ERBB2: variants seen among roughly 807,000 people sequenced by gnomAD.
The protein encoded by ERBB2 is erb-b2 receptor tyrosine kinase 2.
A neutral mutation model predicts 149.0 loss-of-function variants in ERBB2; 61 were observed. The ratio of observed to expected loss-of-function variants is 0.41; its 90% CI spans 0.33 to 0.51. ERBB2 has a LOEUF of 0.51. ERBB2 is among the 20% of genes least tolerant of loss of function. ERBB2 has a pLI of 0.25. For synonymous variants in ERBB2, 633 were observed against 678.8 expected (o/e 0.93, Z 1.05); for missense variants, 1,205 against 1,655.1 (o/e 0.73, Z 4.72).
chr17:39,699,421 A>G (rs1008933672), upstream of ERBB2: 1 of 766,152 alleles, frequency 1.3e-6, no homozygotes, highest in African/African-American at 1.8e-5. Context: ...AGATCGCGCC[A>G]TTGCTCTCCA....
chr17:39,718,722 G>C (rs1332462665), intron 15 of ERBB2, among the ~76,000 whole-genome samples: 1 of 152,036 alleles, frequency 6.6e-6, no homozygotes, highest in Non-Finnish European at 1.5e-5. Context: ...TGTGAGTACA[G>C]ACGGATCTAC....
chr17:39,709,328 A>G lies in ERBB2; in HGVS notation c.450A>G (p.Lys150=), dbSNP rs2145470240. 6.2e-7 allele frequency: 1 copy of G among 1,614,092 alleles called. No homozygotes were observed. Among genetic ancestry groups the G allele is most frequent in the African/African-American group, 1.3e-5 (1 of 75,008 alleles). The part of the protein sequence containing the change: ...LQLRSLTEIL[K]GGVLIQRNPQ... Reference sequence around the variant, plus strand: ...TTGCTCACCCCACAGAGATCTTGAAAGGAGGGGTCTTGATCCAGCGGAACC... The same window carrying G: ...TTGCTCACCCCACAGAGATCTTGAAGGGAGGGGTCTTGATCCAGCGGAACC... The change falls in exon 4 of 27, where the codon AAA becomes AAG. Residue 150 remains lysine, a synonymous_variant. Coordinates refer to ENST00000269571, the MANE Select transcript of ERBB2 (RefSeq NM_004448.4).
rs1035359881 is a variant in ERBB2, at chr17:39,724,674, T to C, written c.2308-52T>C. On this transcript the variant is annotated intron_variant, in intron 19 of 26. Coordinates refer to ENST00000269571, the MANE Select transcript of ERBB2 (RefSeq NM_004448.4). Reference sequence around the variant, plus strand: ...TTGTGATGGTTGGGAGGCTGTGTGGTGTTTGGGGGTGTGTGGTCTCCCATA... The same window carrying C: ...TTGTGATGGTTGGGAGGCTGTGTGGCGTTTGGGGGTGTGTGGTCTCCCATA... The C allele has an allele frequency of 2.0e-6, 3 of 1,511,284 alleles. No individual in the cohort carries two copies. In the East Asian group the frequency reaches 6.8e-5, roughly 34 times the overall value. The allele number at this position is 1,511,284 out of a possible 1,614,324, so 93.6% of individuals were successfully genotyped here. A position where few individuals can be genotyped will look rare whatever the true frequency, so the allele number is the denominator to read the frequency against.
upstream of ERBB2, among the ~76,000 whole-genome samples, chr17:39,691,574 T>TATATATATATATAC (rs1244087250): frequency 4.9e-5 from 6 of 122,048 alleles, no homozygotes; most frequent in South Asian, 2.5e-4. Context: ...TATATATATA[T>TATATATATATATAC]ACACACACAC....
Position 39,719,632 on chromosome 17 carries a change from TAGA to T in ERBB2, c.1899-152_1899-150del, listed in dbSNP as rs540116245. Among the ~76,000 whole-genome samples the T allele has an allele frequency of 3.2e-3, 483 of 152,148 alleles. 1 individual carries two copies. Among genetic ancestry groups the T allele is most frequent in the Middle Eastern group, 6.8e-3 (2 of 294 alleles). On this transcript the variant is annotated intron_variant, in intron 15 of 26. Coordinates refer to ENST00000269571, the MANE Select transcript of ERBB2 (RefSeq NM_004448.4). ...GAGAAGGAGTCTCCTTGTGAGGTGG[TAGA>T]AGGAGCACTGACGGCCTTGAGCCCA...
intron 3 of ERBB2, 173 bp from the exon 4 acceptor site, chr17:39,709,145 G>T: frequency 1.4e-6 from 1 of 706,466 alleles, no homozygotes. Context: ...TGTTCTTGTT[G>T]CGGGTGTGGT....
At chr17:39,720,510 G>A (rs889437465) in intron 16 of ERBB2, among the ~76,000 whole-genome samples, 4 of 152,238 alleles carry the variant, frequency 2.6e-5, no homozygotes, top group East Asian at 3.9e-4. Context: ...TGTCTTAGGC[G>A]ATCATCGGTC....
Position 39,710,019 on chromosome 17 carries a change from G to A in ERBB2, c.644-67G>A, listed in dbSNP as rs571871467. 5.1e-5 allele frequency: 78 copies of A among 1,517,690 alleles called. No homozygotes were observed. In the South Asian group the frequency reaches 7.9e-4, roughly 15 times the overall value. 94.0% of individuals were successfully genotyped at this position (1,517,690 alleles called of 1,614,324 possible). On this transcript the variant is annotated intron_variant, in intron 5 of 26. Coordinates refer to ENST00000269571, the MANE Select transcript of ERBB2 (RefSeq NM_004448.4). ...CCTGGGCCAGGTAGTCTCCCTAGAA[G>A]GTGATGCTGATGAGGGTCTGGTGCC...
intron 1 of ERBB2, among the ~76,000 whole-genome samples, chr17:39,700,543 G>C (rs2058038446): frequency 6.6e-6 from 1 of 152,228 alleles, no homozygotes; most frequent in African/African-American, 2.4e-5. Flanking sequence ...CGCTTTCCAG[G>C]CTCCGAGGGG....
rs1206558778 is a variant in ERBB2 at position 39,727,911 on chromosome 17, C to G, written c.3635C>G (p.Ala1212Gly). Reference sequence around the variant, plus strand: ...GCCCCTCAGCCCCACCCTCCTCCTGCCTTCAGCCCAGCCTTCGACAACCTC... The same window carrying G: ...GCCCCTCAGCCCCACCCTCCTCCTGGCTTCAGCCCAGCCTTCGACAACCTC... ...GAAPQPHPPPAFSPAFDNLYY... is the reference protein window; with the variant it reads ...GAAPQPHPPPGFSPAFDNLYY... Residue 1212 changes from alanine (A) to glycine (G), a missense_variant, in exon 27 of 27, where the codon GCC (alanine) becomes GGC (glycine). Coordinates refer to ENST00000269571, the MANE Select transcript of ERBB2 (RefSeq NM_004448.4). This position sits in a 1 kb window ranked among gnomAD's most constrained non-coding sequence, Gnocchi z 4.3. 6 of 1,614,200 alleles carry G rather than the reference C, an allele frequency of 3.7e-6. No individual in the cohort carries two copies. The highest frequency in any genetic ancestry group is 5.1e-6 in the Non-Finnish European group (6 of 1,180,024).
upstream of ERBB2, among the ~76,000 whole-genome samples, chr17:39,695,470 C>T (rs1041129212): frequency 6.6e-6 from 1 of 152,020 alleles, no homozygotes; most frequent in Non-Finnish European, 1.5e-5. Flanking sequence ...TCCTTTGGCC[C>T]AAAGGGACAC....
rs1292098635 is a variant in ERBB2 at position 39,725,483 on chromosome 17, C to G, written c.2725+81C>G. 1 of 1,436,852 alleles carries G rather than the reference C, an allele frequency of 7.0e-7. No homozygotes were observed. The highest frequency in any genetic ancestry group is 1.2e-5 in the South Asian group (1 of 84,900). 89.0% of individuals were successfully genotyped at this position (1,436,852 alleles called of 1,614,324 possible). On this transcript the variant is annotated intron_variant, in intron 22 of 26. Transcript: ENST00000269571. This position sits in a 1 kb window ranked among gnomAD's most constrained non-coding sequence, Gnocchi z 4.6. ...ATGAGAGCTGGGATGGGGAGAATTACGGGGCCACCTCAGCATGTGAAGGGA... is the reference window on the plus strand; with the variant it reads ...ATGAGAGCTGGGATGGGGAGAATTAGGGGGCCACCTCAGCATGTGAAGGGA...
intron 4 of ERBB2, 116 bp from the exon 5 acceptor site, chr17:39,709,697 C>T (rs2058680374): frequency 1.8e-6 from 2 of 1,084,794 alleles, no homozygotes; most frequent in Non-Finnish European, 1.4e-6. Flanking sequence ...GGGTCCCTCC[C>T]TTGCTGTGCA....
At position 39,717,490 on chromosome 17, in the gene ERBB2, A is replaced by G. The variant is rs757461762; in HGVS notation, c.1898+10A>G. 26 of 1,601,036 alleles carry G rather than the reference A, an allele frequency of 1.6e-5. No individual in the cohort carries two copies. The highest frequency in any genetic ancestry group is 1.8e-4 in the Middle Eastern group (1 of 5,408). On this transcript the variant is annotated intron_variant, in intron 15 of 26. Coordinates refer to ENST00000269571, the MANE Select transcript of ERBB2 (RefSeq NM_004448.4). The stretch of plus-strand genomic sequence containing the variant: ...TCAACTGCACCCACTCGTGAGTCCA[A>G]CGGTCTTTTCTGCAGAAAGGAGGAC...
chr17:39,698,225 C>T (rs1400435944), upstream of ERBB2, among the ~76,000 whole-genome samples: 1 of 151,968 alleles, frequency 6.6e-6, no homozygotes, highest in Non-Finnish European at 1.5e-5. Flanking sequence ...AGTCACTTGC[C>T]CAAGGTGACA....
intron 1 of ERBB2, 125 bp from the exon 2 acceptor site, chr17:39,706,865 G>T: frequency 1.1e-6 from 1 of 910,276 alleles, no homozygotes; most frequent in Non-Finnish European, 1.6e-6. Context: ...CATGGGCGGA[G>T]GGGTCCTTCA....
At chr17:39,724,553 C>T (rs887370862) in intron 19 of ERBB2, among the ~76,000 whole-genome samples, 173 bp from the exon 20 acceptor site, 5 of 151,938 alleles carry the variant, frequency 3.3e-5, no homozygotes, top group African/African-American at 9.7e-5. Flanking sequence ...CCACCGTGCC[C>T]GGCCTAATCT....
At chr17:39,708,238 T>A in intron 2 of ERBB2, 83 bp from the exon 3 acceptor site, 1 of 1,053,552 alleles carries the variant, frequency 9.5e-7, no homozygotes, top group Non-Finnish European at 1.4e-6. Flanking sequence ...TTGCCCAAGA[T>A]CTCCAAGTAC....
At chr17:39,711,030 G>A (rs2058767641) in intron 7 of ERBB2, among the ~76,000 whole-genome samples, 1 of 152,114 alleles carries the variant, frequency 6.6e-6, no homozygotes, top group African/African-American at 2.4e-5. Flanking sequence ...CTCCTGAGTA[G>A]CTGGGATTAC....
Sources: gnomAD v4.1 joint callset for allele counts (sites outside exome capture counted in the v4.1 genomes callset) on GRCh38, gnomAD v4.1.1 for gene constraint, Gnocchi (gnomAD v3.1) non-coding constraint, MANE v1.5 for transcripts, NCBI Gene and HGNC (gene_info 2026-07-23, HGNC 2026-07-21) for gene names.